UGT1A5: variants seen among roughly 807,000 people sequenced by gnomAD.
UGT1A5 encodes UDP-glucuronosyltransferase 1A5.
In UGT1A5, 29 loss-of-function variants were observed where a neutral mutation model predicts 40.3. That is an observed-to-expected ratio of 0.72 (90% CI 0.54 to 0.98). UGT1A5 has a LOEUF of 0.98. Among genes scored for constraint, UGT1A5 ranks in the 50% least tolerant of loss-of-function variants. UGT1A5 has a pLI of 0.00. For synonymous variants in UGT1A5, 257 were observed against 262.5 expected (o/e 0.98, Z 0.20); for missense variants, 678 against 677.9 (o/e 1.00, Z 0.00).
chr2:233,736,156 G>A (rs1226019844), intron 1 of UGT1A5, among the ~76,000 whole-genome samples: 4 of 152,192 alleles, frequency 2.6e-5, no homozygotes, highest in East Asian at 1.9e-4. Context: ...CCAGTCAAAC[G>A]TAGATTTGGT....
chr2:233,761,456 C>A (rs938437013), intron 1 of UGT1A5, among the ~76,000 whole-genome samples: 1 of 152,214 alleles, frequency 6.6e-6, no homozygotes, highest in African/African-American at 2.4e-5. Context: ...GGGTTTGGGG[C>A]ACCCTGCAGA....
chr2:233,729,091 G>T (rs745755811), intron 1 of UGT1A5: 4 of 1,612,602 alleles, frequency 2.5e-6, no homozygotes, highest in African/African-American at 2.7e-5. Flanking sequence ...GGCACAGCGT[G>T]GGGTGGACAG....
intron 1 of UGT1A5, among the ~76,000 whole-genome samples, chr2:233,744,344 C>A (rs1692781957): frequency 6.6e-6 from 1 of 151,846 alleles, no homozygotes; most frequent in African/African-American, 2.4e-5. Flanking sequence ...CTGACTGGGG[C>A]TGAAGACATC....
At position 233,769,494 on chromosome 2, in the gene UGT1A5, A is replaced by C. The variant is rs761998450; in HGVS notation, c.1307+1055A>C. On this transcript the variant is annotated intron_variant, in intron 4 of 4. Coordinates refer to ENST00000373414, the MANE Select transcript of UGT1A5 (RefSeq NM_019078.2). The surrounding 1 kb of genome is among the most constrained non-coding windows in gnomAD (Gnocchi z 4.4). Reference sequence around the variant, plus strand: ...GTGTGTGTGTGCGTGTGTTTATGAGAGTGTCCATTGCTTTCTCCCATGGTT... The same window carrying C: ...GTGTGTGTGTGCGTGTGTTTATGAGCGTGTCCATTGCTTTCTCCCATGGTT... 1.9e-6 allele frequency: 3 copies of C among 1,612,660 alleles called. No individual in the cohort carries two copies. Among genetic ancestry groups the C allele is most frequent in the South Asian group, 2.2e-5 (2 of 91,046 alleles).
At chr2:233,760,733 T>G in intron 1 of UGT1A5, 1 of 1,614,214 alleles carries the variant, frequency 6.2e-7, no homozygotes, top group South Asian at 1.1e-5. Context: ...GATGTCATGC[T>G]GACGGACCCT....
rs552536149 is a variant in UGT1A5 at position 233,737,258 on chromosome 2, C to T, written c.867+23400C>T. Among the ~76,000 whole-genome samples, 3 of 152,360 alleles carry T rather than the reference C, an allele frequency of 2.0e-5. No individual in the cohort carries two copies. In the East Asian group the frequency reaches 5.8e-4, roughly 29 times the overall value. On this transcript the variant is annotated intron_variant, in intron 1 of 4. Coordinates refer to ENST00000373414, the MANE Select transcript of UGT1A5 (RefSeq NM_019078.2). Reference sequence around the variant, plus strand: ...CTTTGTTTACCTACTCAAGCCTCAGCAATGGCGGACACCCCTCACCCAGCC... The same window carrying T: ...CTTTGTTTACCTACTCAAGCCTCAGTAATGGCGGACACCCCTCACCCAGCC...
chr2:233,722,507 T>C lies in UGT1A5; in HGVS notation c.867+8649T>C, dbSNP rs188387982. 9.8e-5 allele frequency among the ~76,000 whole-genome samples: 15 copies of C among 152,358 alleles called. No individual in the cohort carries two copies. The East Asian group carries it at 1.5e-3, about 16-fold the overall frequency. On this transcript the variant is annotated intron_variant, in intron 1 of 4. Transcript: ENST00000373414. The stretch of plus-strand genomic sequence containing the variant: ...ACTGTTTCATTTTCCGTTTCGTTAA[T>C]TGCAGCTTATTTTTGCCTTAATGAT...
Position 233,772,406 on chromosome 2 carries a change from G to A in UGT1A5, c.1452G>A (p.Trp484Ter), listed in dbSNP as rs866632307. Residue 484 changes from tryptophan to a stop codon, truncating the protein, a stop_gained, in exon 5 of 5, where the codon TGG (tryptophan) becomes TGA (stop). Transcript: ENST00000373414. LOFTEE classifies it high-confidence loss of function. ...GCCCCGCAGCCCACGACCTCACCTGGTACCAGTACCATTCCTTGGACGTGA... is the reference window on the plus strand; with the variant it reads ...GCCCCGCAGCCCACGACCTCACCTGATACCAGTACCATTCCTTGGACGTGA... The part of the protein sequence containing the change: ...HLRPAAHDLT[W>*]YQYHSLDVIG... 1 of 1,614,238 alleles carries A rather than the reference G, an allele frequency of 6.2e-7. No homozygotes were observed. Among genetic ancestry groups the A allele is most frequent in the Middle Eastern group, 1.6e-4 (1 of 6,062 alleles).
intron 1 of UGT1A5, chr2:233,753,210 T>TAGAC (rs1695156471): frequency 2.0e-5 from 3 of 152,224 alleles, no homozygotes; most frequent in African/African-American, 4.8e-5. Flanking sequence ...ACAGTCTGTC[T>TAGAC]TATTTTGATA....
At chr2:233,753,469 A>T (rs28900386) in intron 1 of UGT1A5, 9 of 152,358 alleles carry the variant, frequency 5.9e-5, no homozygotes, top group African/African-American at 1.9e-4. Flanking sequence ...TCTGTAAAAA[A>T]TTACCAGCAT....
intron 1 of UGT1A5, among the ~76,000 whole-genome samples, chr2:233,765,022 G>A (rs976641951): frequency 6.6e-6 from 1 of 152,124 alleles, no homozygotes; most frequent in Non-Finnish European, 1.5e-5. Context: ...GGCTTGGCAG[G>A]AGTCCTGCTG....
intron 1 of UGT1A5, among the ~76,000 whole-genome samples, chr2:233,725,204 A>AGAGGCAGAG (rs1559370312): frequency 1.2e-4 from 10 of 85,258 alleles, no homozygotes; most frequent in African/African-American, 8.3e-4. Context: ...AGGCAGAGGC[A>AGAGGCAGAG]GAGGCAGAGG....
At chr2:233,741,008 GC>G (rs1212205801) in intron 1 of UGT1A5, 3 of 151,722 alleles carry the variant, frequency 2.0e-5, no homozygotes, top group Admixed American at 6.6e-5. Flanking sequence ...GATCACTTGA[GC>G]CCAGGAATTC....
intron 1 of UGT1A5, among the ~76,000 whole-genome samples, chr2:233,717,504 C>T (rs1170587826): frequency 6.6e-6 from 1 of 152,186 alleles, no homozygotes; most frequent in Non-Finnish European, 1.5e-5. Flanking sequence ...ATGTGGATTT[C>T]TAATGGGAGT....
Position 233,772,277 on chromosome 2 carries a change from C to G in UGT1A5, c.1323C>G (p.Ile441Met). 1 of 1,614,240 alleles carries G rather than the reference C, an allele frequency of 6.2e-7. No individual in the cohort carries two copies. Among genetic ancestry groups the G allele is most frequent in the Non-Finnish European group, 8.5e-7 (1 of 1,180,042 alleles). Residue 441 changes from isoleucine (I) to methionine (M), a missense_variant, in exon 5 of 5, where the codon ATC (isoleucine) becomes ATG (methionine). Ile to Met is a conservative substitution (Grantham distance 10). Transcript: ENST00000373414. Reference protein sequence around the residue: ...VINDKSYKENIMRLSSLHKDR... With the variant: ...VINDKSYKENMMRLSSLHKDR... ...TTGTGTTTAGTTACAAGGAGAACAT[C>G]ATGCGCCTCTCCAGCCTTCACAAGG...
chr2:233,747,333 C>T, intron 1 of UGT1A5: 1 of 1,603,778 alleles, frequency 6.2e-7, no homozygotes, highest in South Asian at 1.1e-5. Flanking sequence ...ATGGCAGCCA[C>T]TGGCTCGCAT....
rs746090346 is a variant in UGT1A5, at chr2:233,743,531, A to T, written c.868-23503A>T. 6 of 1,367,280 alleles carry T rather than the reference A, an allele frequency of 4.4e-6. No individual in the cohort carries two copies. The highest frequency in any genetic ancestry group is 5.9e-6 in the Non-Finnish European group (6 of 1,021,864). 84.7% of individuals were successfully genotyped at this position (1,367,280 alleles called of 1,614,324 possible). A position where few individuals can be genotyped will look rare whatever the true frequency, so the allele number is the denominator to read the frequency against. Reference sequence around the variant, plus strand: ...GACGCTCTGCTTCTGCTTCCCCAGCAGTTCCTCTGACCCCCCCAAAATATT... The same window carrying T: ...GACGCTCTGCTTCTGCTTCCCCAGCTGTTCCTCTGACCCCCCCAAAATATT... On this transcript the variant is annotated intron_variant, in intron 1 of 4. Transcript: ENST00000373414.
chr2:233,741,715 A>AG (rs2125837750), intron 1 of UGT1A5: 1 of 152,002 alleles, frequency 6.6e-6, no homozygotes, highest in African/African-American at 2.4e-5. Context: ...TGAGGGTTCT[A>AG]GAGCATATCC....
At chr2:233,739,444 G>A (rs1292544084) in intron 1 of UGT1A5, among the ~76,000 whole-genome samples, 1 of 152,214 alleles carries the variant, frequency 6.6e-6, no homozygotes, top group African/African-American at 2.4e-5. Context: ...ACCCTGCAAA[G>A]CCACAGGGTT....
Sources: gnomAD v4.1 joint callset for allele counts (sites outside exome capture counted in the v4.1 genomes callset) on GRCh38, gnomAD v4.1.1 for gene constraint, Gnocchi (gnomAD v3.1) non-coding constraint, MANE v1.5 for transcripts, NCBI Gene and HGNC (gene_info 2026-07-23, HGNC 2026-07-21) for gene names.